Variants in R3HDML observed in about 807,000 individuals in gnomAD.
R3HDML encodes the protein peptidase inhibitor R3HDML.
In R3HDML, 21 loss-of-function variants were observed where a neutral mutation model predicts 24.2. That is an observed-to-expected ratio of 0.87 (90% CI 0.62 to 1.25). R3HDML has a LOEUF of 1.25. R3HDML is among the 50% of genes most tolerant of loss of function. R3HDML has a pLI of 0.00. For missense variants in R3HDML, 301 were observed against 340.3 expected (o/e 0.88, Z 0.91); for synonymous variants, 133 against 131.5 (o/e 1.01, Z -0.08).
At chr20:44,338,436 G>A (rs777512706) in intron 1 of R3HDML, among the ~76,000 whole-genome samples, 24 of 152,140 alleles carry the variant, frequency 1.6e-4, no homozygotes, top group African/African-American at 4.6e-4. Flanking sequence ...ATAAGATAAC[G>A]TGAGGAGGCA....
At chr20:44,344,081 A>G (rs965504635) in intron 3 of R3HDML, among the ~76,000 whole-genome samples, 1 of 152,158 alleles carries the variant, frequency 6.6e-6, no homozygotes, top group Non-Finnish European at 1.5e-5. Context: ...GGAGATCAAG[A>G]CCATCCTGGC....
Position 44,343,458 on chromosome 20 carries a change from C to A in R3HDML, c.462C>A (p.Asn154Lys). 6.2e-7 allele frequency: 1 copy of A among 1,613,016 alleles called. No homozygotes were observed. Among genetic ancestry groups the A allele is most frequent in the African/African-American group, 1.3e-5 (1 of 75,014 alleles). The part of the protein sequence containing the change: ...HYLFPAPRDC[N>K]PHCPWRCDGP... ...TGTTTCCGGCCCCAAGGGACTGTAACCCACACTGCCCCTGGCGCTGCGATG... is the reference window on the plus strand; with the variant it reads ...TGTTTCCGGCCCCAAGGGACTGTAAACCACACTGCCCCTGGCGCTGCGATG... The change falls in exon 3 of 5, where the codon AAC becomes AAA. Residue 154 changes from asparagine (N) to lysine (K), a missense_variant. Coordinates refer to ENST00000217043, the MANE Select transcript of R3HDML (RefSeq NM_178491.4).
chr20:44,350,451 G>A (rs1157032130), intron 4 of R3HDML, among the ~76,000 whole-genome samples: 2 of 151,514 alleles, frequency 1.3e-5, no homozygotes, highest in Non-Finnish European at 2.9e-5. Flanking sequence ...AGCCCAGGAC[G>A]TCAAGGCTGC....
chr20:44,348,474 TTC>T (rs754090719), intron 4 of R3HDML, among the ~76,000 whole-genome samples: 126 of 106,086 alleles, frequency 1.2e-3, no homozygotes, highest in South Asian at 2.9e-3. Flanking sequence ...CTTTCTCCTT[TTC>T]CCTTTCTCCT....
chr20:44,344,936 G>A (rs1202267531), intron 3 of R3HDML: 1 of 306,264 alleles, frequency 3.3e-6, no homozygotes, highest in Non-Finnish European at 6.1e-6. Flanking sequence ...AGTGCAGTAT[G>A]AAATGAAAGA....
chr20:44,347,685 G>A (rs1303804945), intron 4 of R3HDML: 1 of 152,186 alleles, frequency 6.6e-6, no homozygotes, highest in African/African-American at 2.4e-5. Flanking sequence ...TTGAGGCTCA[G>A]GCAGGTTGAG....
intron 3 of R3HDML, among the ~76,000 whole-genome samples, chr20:44,343,876 G>A (rs183693989): frequency 1.2e-4 from 19 of 152,214 alleles, no homozygotes; most frequent in Admixed American, 1.0e-3. Context: ...AGTGGCTCAC[G>A]CTTGTAATCT....
At chr20:44,350,581 C>G in intron 4 of R3HDML, 79 bp from the exon 5 acceptor site, 1 of 1,426,718 alleles carries the variant, frequency 7.0e-7, no homozygotes, top group Non-Finnish European at 9.4e-7. Context: ...TGGTCAGTGG[C>G]AGCGCTGAGA....
chr20:44,339,579 A>ATGTG (rs140076477), intron 1 of R3HDML, among the ~76,000 whole-genome samples: 23,567 of 147,834 alleles, frequency 0.16, 2,083 homozygotes, highest in Non-Finnish European at 0.2. Context: ...GCCTATATAT[A>ATGTG]TGTGTGTGTG....
In R3HDML at chr20:44,350,558, A is replaced by C. The variant is rs1354665052; in HGVS notation, c.630-102A>C. ...AAGGCTTGCAGATGTGACTTGCCCC[A>C]GGTCCCCAGGGCTGGTCAGTGGCAG... On this transcript the variant is annotated intron_variant, in intron 4 of 4. Coordinates refer to ENST00000217043, the MANE Select transcript of R3HDML (RefSeq NM_178491.4). 1.9e-5 allele frequency: 21 copies of C among 1,089,044 alleles called. No homozygotes were observed. In the Admixed American group the frequency reaches 6.0e-4, roughly 31 times the overall value. The allele number at this position is 1,089,044 out of a possible 1,614,324, so 67.5% of individuals were successfully genotyped here.
chr20:44,343,296 C>T lies in R3HDML; in HGVS notation c.381-81C>T, dbSNP rs1404063906. Reference sequence around the variant, plus strand: ...TGGGGGAAAGGAAGCAAAGTGATCACCCAAGGTCACCAGCAAGTTGGCGGC... The same window carrying T: ...TGGGGGAAAGGAAGCAAAGTGATCATCCAAGGTCACCAGCAAGTTGGCGGC... On this transcript the variant is annotated intron_variant, in intron 2 of 4. Coordinates refer to ENST00000217043, the MANE Select transcript of R3HDML (RefSeq NM_178491.4). 5 of 1,542,588 alleles carry T rather than the reference C, an allele frequency of 3.2e-6. No individual in the cohort carries two copies. In the African/African-American group the frequency reaches 5.5e-5, roughly 17 times the overall value.
At chr20:44,349,145 ATAAAT>A (rs1474077755) in intron 4 of R3HDML, among the ~76,000 whole-genome samples, 2 of 127,596 alleles carry the variant, frequency 1.6e-5, no homozygotes, top group Non-Finnish European at 1.7e-5. Context: ...ATAAAATAAA[ATAAAT>A]AAAATAAAAT....
intron 4 of R3HDML, among the ~76,000 whole-genome samples, chr20:44,348,343 T>C (rs929569194): frequency 2.0e-5 from 3 of 152,232 alleles, no homozygotes; most frequent in Non-Finnish European, 4.4e-5. Context: ...TTGATTCCCC[T>C]CTGCAATGCA....
rs2062783546 is a variant in R3HDML, at chr20:44,345,352, A to G, written c.603A>G (p.Ala201=). The change falls in exon 4 of 5, where the codon GCA becomes GCG. Residue 201 remains alanine (A), a synonymous_variant. Transcript: ENST00000217043. ...SVWGNTWHRA[A]YLVCNYAIKG... is the part of the protein sequence containing the mutation. ...GGGGCAACACCTGGCATCGGGCGGCATACCTGGTCTGCAACTATGCCATTA... is the reference window on the plus strand; with the variant it reads ...GGGGCAACACCTGGCATCGGGCGGCGTACCTGGTCTGCAACTATGCCATTA... 6.2e-7 allele frequency: 1 copy of G among 1,613,958 alleles called. No individual in the cohort carries two copies. The highest frequency in any genetic ancestry group is 8.5e-7 in the Non-Finnish European group (1 of 1,179,916).
chr20:44,350,657 C>T lies in R3HDML; in HGVS notation c.630-3C>T, dbSNP rs1230967061. ...TGTCTCCCTGGGTCCTTTTCTCTTC[C>T]AGGGGCAACTGGATTGGCGAGTCCC... On this transcript the variant is annotated splice_polypyrimidine_tract_variant and splice_region_variant and intron_variant, in intron 4 of 4. Coordinates refer to ENST00000217043, the MANE Select transcript of R3HDML (RefSeq NM_178491.4). 1 of 1,612,294 alleles carries T rather than the reference C, an allele frequency of 6.2e-7. No homozygotes were observed. The highest frequency in any genetic ancestry group is 1.1e-5 in the South Asian group (1 of 90,842).
rs2062761183 is a variant in R3HDML, at chr20:44,337,507, G to C, written c.261+89G>C. 8 of 1,437,952 alleles carry C rather than the reference G, an allele frequency of 5.6e-6. No individual in the cohort carries two copies. The East Asian group carries it at 1.6e-4, about 30-fold the overall frequency. 89.1% of individuals were successfully genotyped at this position (1,437,952 alleles called of 1,614,324 possible). On this transcript the variant is annotated intron_variant, in intron 1 of 4. Coordinates refer to ENST00000217043, the MANE Select transcript of R3HDML (RefSeq NM_178491.4). This position sits in a 1 kb window ranked among gnomAD's most constrained non-coding sequence, Gnocchi z 4.7. ...ATCTTGGCCTAGAATGACTGGCTTT[G>C]AAGAGCTGGACCACTTGCCTGCCTG...
intron 4 of R3HDML, among the ~76,000 whole-genome samples, chr20:44,350,145 G>A (rs2062804909): frequency 6.6e-6 from 1 of 152,068 alleles, no homozygotes; most frequent in Non-Finnish European, 1.5e-5. Context: ...ACAGTGCTAG[G>A]TGCATACATA....
At chr20:44,347,734 C>G (rs1027583830) in intron 4 of R3HDML, 7 of 152,192 alleles carry the variant, frequency 4.6e-5, no homozygotes, top group Admixed American at 4.6e-4. Context: ...AGTAGTAGAG[C>G]TGGTTCAGAA....
chr20:44,348,500 CTTTCCTTTCCTTTCCTTTCT>C (rs199566670), intron 4 of R3HDML, among the ~76,000 whole-genome samples: 4 of 116,834 alleles, frequency 3.4e-5, no homozygotes, highest in East Asian at 2.0e-4. Context: ...CTTTCCTTTC[CTTTCCTTTCCTTTCCTTTCT>C]TTTCTTCTGT....
Sources: allele counts gnomAD v4.1 joint callset (sites outside exome capture counted in the v4.1 genomes callset), GRCh38; gene constraint gnomAD v4.1.1; non-coding constraint Gnocchi (gnomAD v3.1); transcripts MANE v1.5; gene names NCBI Gene and HGNC (gene_info 2026-07-23, HGNC 2026-07-21).